C4orf36: variants seen among roughly 807,000 people sequenced by gnomAD.
The protein encoded by C4orf36 is chromosome 4 open reading frame 36.
A neutral mutation model predicts 12.2 loss-of-function variants in C4orf36; 11 were observed. That is an observed-to-expected ratio of 0.90 (90% CI 0.57 to 1.49). The LOEUF is 1.49. C4orf36 is among the 40% of genes most tolerant of loss of function. The pLI is 0.00. For synonymous variants in C4orf36, 54 were observed against 51.3 expected (o/e 1.05, Z -0.22); for missense variants, 137 against 133.9 (o/e 1.02, Z -0.11).
intron 4 of C4orf36, 180 bp downstream of exon 4, chr4:86,887,578 G>A (rs1747224570): frequency 1.7e-6 from 1 of 576,100 alleles, no homozygotes; most frequent in South Asian, 3.1e-5. Flanking sequence ...CAAGGAACAA[G>A]AGTATGTCAG....
chr4:86,924,461 A>G, the C4orf36 span, among the ~76,000 whole-genome samples: 1 of 152,168 alleles, frequency 6.6e-6, no homozygotes, highest in South Asian at 2.1e-4. Flanking sequence ...TCGGCCTCTC[A>G]AAGTGCTAGG....
chr4:86,909,143 T>C, the C4orf36 span, among the ~76,000 whole-genome samples: 1 of 152,188 alleles, frequency 6.6e-6, no homozygotes, highest in Non-Finnish European at 1.5e-5. Flanking sequence ...GGCTCCTCTT[T>C]TTCTAACTTT....
the C4orf36 span, among the ~76,000 whole-genome samples, chr4:86,898,879 G>A: frequency 2.0e-5 from 3 of 152,134 alleles, no homozygotes; most frequent in South Asian, 2.1e-4. Flanking sequence ...AGGAAATGGA[G>A]GCCAGAACAA....
At chr4:86,909,419 A>G in the C4orf36 span, among the ~76,000 whole-genome samples, 2 of 152,156 alleles carry the variant, frequency 1.3e-5, no homozygotes, top group Admixed American at 6.5e-5. Context: ...CAAACAGCAA[A>G]CCGGCTGCAG....
the C4orf36 span, among the ~76,000 whole-genome samples, chr4:86,911,677 GTC>G: frequency 6.6e-6 from 1 of 152,068 alleles, no homozygotes; most frequent in Non-Finnish European, 1.5e-5. Flanking sequence ...CTGTCTGTCT[GTC>G]TCTCTGTCTC....
chr4:86,926,703 G>T, the C4orf36 span, among the ~76,000 whole-genome samples: 8 of 152,224 alleles, frequency 5.3e-5, no homozygotes, highest in Admixed American at 5.2e-4. Context: ...TGCCATACAG[G>T]GTCATTCTCT....
the C4orf36 span, among the ~76,000 whole-genome samples, chr4:86,932,739 C>A: frequency 8.7e-6 from 1 of 115,536 alleles, no homozygotes; most frequent in South Asian, 2.8e-4. Flanking sequence ...AAAGTCCCAT[C>A]ATCATATTTA....
chr4:86,927,050 T>C, the C4orf36 span, among the ~76,000 whole-genome samples: 1 of 152,336 alleles, frequency 6.6e-6, no homozygotes, highest in Admixed American at 6.5e-5. Flanking sequence ...ATGTGGCCCA[T>C]AAAACTTAAA....
chr4:86,933,983 T>G, the C4orf36 span, among the ~76,000 whole-genome samples: 4 of 152,200 alleles, frequency 2.6e-5, no homozygotes, highest in Admixed American at 6.5e-5. Flanking sequence ...ATCCATCAAT[T>G]AGGTTTTCAA....
chr4:86,926,171 G>C, the C4orf36 span: 1 of 152,612 alleles, frequency 6.6e-6, no homozygotes, highest in East Asian at 1.9e-4. Context: ...GAGCCGCCGT[G>C]CCTGGCCTAT....
At chr4:86,897,325 C>A (rs1160539581), upstream of C4orf36, among the ~76,000 whole-genome samples, 1 of 152,080 alleles carries the variant, frequency 6.6e-6, no homozygotes, top group African/African-American at 2.4e-5. Flanking sequence ...CGTACCACTG[C>A]ACTCCAGCCT....
At chr4:86,896,796 C>T (rs780416446), upstream of C4orf36, among the ~76,000 whole-genome samples, 16 of 152,200 alleles carry the variant, frequency 1.1e-4, no homozygotes, top group Non-Finnish European at 2.1e-4. Flanking sequence ...CTATCTTGTT[C>T]AGAAGAAAAT....
chr4:86,913,862 T>C, the C4orf36 span: 1 of 843,594 alleles, frequency 1.2e-6, no homozygotes, highest in South Asian at 1.4e-5. Flanking sequence ...GGAGTCTCGC[T>C]CTGTCACCCA....
At chr4:86,901,869 C>A in the C4orf36 span, among the ~76,000 whole-genome samples, 2 of 152,166 alleles carry the variant, frequency 1.3e-5, no homozygotes, top group Non-Finnish European at 2.9e-5. Flanking sequence ...AGTCCTAACT[C>A]CCTATACATG....
chr4:86,910,253 C>A, the C4orf36 span, among the ~76,000 whole-genome samples: 1 of 151,800 alleles, frequency 6.6e-6, no homozygotes, highest in African/African-American at 2.4e-5. Flanking sequence ...TCTCTACTAA[C>A]AACACAAAAT....
chr4:86,930,752 A>C, the C4orf36 span, among the ~76,000 whole-genome samples: 2 of 152,206 alleles, frequency 1.3e-5, no homozygotes, highest in African/African-American at 4.8e-5. Context: ...AATGAGGAAA[A>C]ATTTACATAC....
intron 2 of C4orf36, chr4:86,890,203 GAGGGAGGAAGGAAGGA>G (rs1479974770): frequency 1.6e-4 from 32 of 201,802 alleles, no homozygotes; most frequent in Non-Finnish European, 2.9e-4. Flanking sequence ...GGGAGGGAGG[GAGGGAGGAAGGAAGGA>G]AGGAAGGAAG....
intron 2 of C4orf36, chr4:86,889,937 G>T: frequency 2.6e-6 from 1 of 391,632 alleles, no homozygotes; most frequent in Admixed American, 3.0e-5. Context: ...GCTCATGCCT[G>T]TAATTCCAGC....
the C4orf36 span, among the ~76,000 whole-genome samples, chr4:86,919,926 G>A: frequency 6.6e-6 from 1 of 152,084 alleles, no homozygotes; most frequent in Non-Finnish European, 1.5e-5. Context: ...CTACTCAGGA[G>A]GCTGAGCTGG....
Sources: gnomAD v4.1 joint callset for allele counts (sites outside exome capture counted in the v4.1 genomes callset) on GRCh38, gnomAD v4.1.1 for gene constraint, MANE v1.5 for transcripts, NCBI Gene and HGNC (gene_info 2026-07-23, HGNC 2026-07-21) for gene names.